Variants in THSD7B observed in about 807,000 individuals in gnomAD.
THSD7B encodes the protein thrombospondin type 1 domain containing 7B, also known as thrombospondin type-1 domain-containing protein 7B.
A neutral mutation model predicts 213.6 loss-of-function variants in THSD7B; 138 were observed. The observed-to-expected ratio is 0.65, with a 90% CI of 0.56 to 0.74. The LOEUF (loss-of-function observed/expected upper bound fraction) is 0.74, where lower values mean the gene tolerates loss of function less well. THSD7B is among the 30% of genes least tolerant of loss of function. The pLI is 0.00. For synonymous variants in THSD7B, 742 were observed against 687.0 expected (o/e 1.08, Z -1.25); for missense variants, 1,931 against 1,991.5 (o/e 0.97, Z 0.58).
intron 15 of THSD7B, among the ~76,000 whole-genome samples, chr2:137,535,254 A>C (rs185368079): frequency 3.9e-4 from 59 of 151,808 alleles, no homozygotes; most frequent in Non-Finnish European, 4.4e-5. Flanking sequence ...CTGAAAGTTC[A>C]TTATTTGTGG....
At chr2:137,622,852 A>C (rs1216688275) in intron 20 of THSD7B, among the ~76,000 whole-genome samples, 4 of 152,170 alleles carry the variant, frequency 2.6e-5, no homozygotes, top group Non-Finnish European at 4.4e-5. Flanking sequence ...CTACCAACCA[A>C]AAAAAGTCCA....
chr2:136,875,285 G>A (rs1218845594), intron 1 of THSD7B, among the ~76,000 whole-genome samples: 1 of 152,160 alleles, frequency 6.6e-6, no homozygotes, highest in East Asian at 1.9e-4. Flanking sequence ...AGCCAGACAT[G>A]GTGGTGGGCA....
At chr2:137,465,885 A>G (rs1003859395) in intron 15 of THSD7B, among the ~76,000 whole-genome samples, 1 of 152,058 alleles carries the variant, frequency 6.6e-6, no homozygotes, top group Non-Finnish European at 1.5e-5. Context: ...ACAACTTTCT[A>G]TTGCTTAGGT....
rs557139322 is a variant in THSD7B, at chr2:137,082,978, A to T, written c.951-11895A>T. Among the ~76,000 whole-genome samples, 10 of 152,242 alleles carry T rather than the reference A, an allele frequency of 6.6e-5. No individual in the cohort carries two copies. The South Asian group carries it at 1.4e-3, about 22-fold the overall frequency. ...GTGTGCTTATCTCTATATCTGTAGAACAATCTCTTTATTCCACAGAAGCAA... is the reference window on the plus strand; with the variant it reads ...GTGTGCTTATCTCTATATCTGTAGATCAATCTCTTTATTCCACAGAAGCAA... On this transcript the variant is annotated intron_variant, in intron 3 of 27. Transcript: ENST00000409968.
At chr2:136,784,360 C>CCT (rs1681800570) in intron 1 of THSD7B, among the ~76,000 whole-genome samples, 1 of 152,108 alleles carries the variant, frequency 6.6e-6, no homozygotes, top group Non-Finnish European at 1.5e-5. Context: ...TTCCTTCTAT[C>CCT]ATTTAGAACA....
At chr2:137,022,494 A>G (rs1686463174) in intron 2 of THSD7B, among the ~76,000 whole-genome samples, 1 of 152,326 alleles carries the variant, frequency 6.6e-6, no homozygotes, top group African/African-American at 2.4e-5. Context: ...GAGATATGCC[A>G]TAAGTGTAAA....
At chr2:137,486,951 C>T (rs1295095469) in intron 15 of THSD7B, among the ~76,000 whole-genome samples, 2 of 152,106 alleles carry the variant, frequency 1.3e-5, no homozygotes, top group African/African-American at 4.8e-5. Flanking sequence ...CCAATGAGAA[C>T]AAAGCCACAA....
intron 12 of THSD7B, among the ~76,000 whole-genome samples, chr2:137,283,277 T>C (rs899095472): frequency 1.3e-5 from 2 of 152,202 alleles, no homozygotes; most frequent in Admixed American, 1.3e-4. Context: ...ACTGCTGAAG[T>C]TGCTTATCAT....
intron 17 of THSD7B, among the ~76,000 whole-genome samples, chr2:137,599,246 G>A (rs1468471830): frequency 6.6e-6 from 1 of 151,646 alleles, no homozygotes; most frequent in Admixed American, 6.6e-5. Context: ...GTATTCCATG[G>A]TGTATATGTG....
At chr2:137,162,576 T>A (rs1487197456) in intron 6 of THSD7B, among the ~76,000 whole-genome samples, 1 of 152,086 alleles carries the variant, frequency 6.6e-6, no homozygotes, top group Non-Finnish European at 1.5e-5. Flanking sequence ...AGGGTCAGAT[T>A]TTATAGGTGC....
At chr2:137,412,963 T>C (rs1427392790) in intron 14 of THSD7B, among the ~76,000 whole-genome samples, 1 of 151,932 alleles carries the variant, frequency 6.6e-6, no homozygotes, top group African/African-American at 2.4e-5. Flanking sequence ...ATTTTGGTCT[T>C]AGTCATCAAG....
rs1683264274 is a variant in THSD7B at position 137,657,714 on chromosome 2, C to A, written c.4375+554C>A. The stretch of plus-strand genomic sequence containing the variant: ...TTATTACTTAATATCTAAATATAGA[C>A]TGAGCAAGAGGTCCCTCATTCATGA... On this transcript the variant is annotated intron_variant, in intron 24 of 27. Transcript: ENST00000409968. 3.3e-5 allele frequency among the ~76,000 whole-genome samples: 5 copies of A among 152,174 alleles called. No individual in the cohort carries two copies. The South Asian group carries it at 8.3e-4, about 25-fold the overall frequency.
intron 12 of THSD7B, among the ~76,000 whole-genome samples, chr2:137,354,033 T>C (rs549947456): frequency 4.6e-5 from 7 of 152,090 alleles, no homozygotes; most frequent in African/African-American, 7.2e-5. Flanking sequence ...ACTAATCCTG[T>C]TTGTAACTAC....
chr2:137,271,396 T>A (rs1303511139), intron 10 of THSD7B, among the ~76,000 whole-genome samples: 4 of 144,058 alleles, frequency 2.8e-5, no homozygotes, highest in East Asian at 2.0e-4. Flanking sequence ...TATTATGAAT[T>A]ATATATATAT....
At chr2:137,225,591 C>T (rs1009006505) in intron 7 of THSD7B, among the ~76,000 whole-genome samples, 1 of 152,088 alleles carries the variant, frequency 6.6e-6, no homozygotes, top group Non-Finnish European at 1.5e-5. Context: ...CTTCTTCATG[C>T]CTCAGGTGTA....
intron 6 of THSD7B, among the ~76,000 whole-genome samples, chr2:137,160,729 T>C (rs1680004107): frequency 6.6e-6 from 1 of 152,236 alleles, no homozygotes; most frequent in Non-Finnish European, 1.5e-5. Flanking sequence ...GTTCAAACTA[T>C]TCTCCGGACT....
chr2:137,520,285 T>G (rs1353903422), intron 15 of THSD7B, among the ~76,000 whole-genome samples: 1 of 152,210 alleles, frequency 6.6e-6, no homozygotes, highest in Non-Finnish European at 1.5e-5. Context: ...TTCTGTTTCA[T>G]GAAAATGGAT....
At position 137,236,658 on chromosome 2, in the gene THSD7B, T is replaced by C. The variant is rs571718119; in HGVS notation, c.2150+3525T>C. Among the ~76,000 whole-genome samples the C allele has an allele frequency of 2.6e-5, 4 of 152,344 alleles. No homozygotes were observed. In the South Asian group the frequency reaches 8.3e-4, roughly 32 times the overall value. On this transcript the variant is annotated intron_variant, in intron 9 of 27. Coordinates refer to ENST00000409968, the MANE Select transcript of THSD7B (RefSeq NM_001316349.2). The stretch of plus-strand genomic sequence containing the variant: ...TGAGATACAGCAATAAATAGCTCCA[T>C]TTAAACATTTAACATTTAAAAGCTT...
At chr2:137,204,655 T>A (rs964928491) in intron 7 of THSD7B, among the ~76,000 whole-genome samples, 1 of 152,152 alleles carries the variant, frequency 6.6e-6, no homozygotes, top group African/African-American at 2.4e-5. Context: ...AACATATGTA[T>A]TTTTTATTGA....
Sources: allele counts gnomAD v4.1 joint callset (sites outside exome capture counted in the v4.1 genomes callset), GRCh38; gene constraint gnomAD v4.1.1; transcripts MANE v1.5; gene names NCBI Gene and HGNC (gene_info 2026-07-23, HGNC 2026-07-21).